The following LHX8 variants were observed in gnomAD, a reference collection of about 807,000 sequenced individuals.
LHX8 encodes LIM/homeobox protein Lhx8.
A neutral mutation model predicts 40.3 loss-of-function variants in LHX8; 12 were observed. The ratio of observed to expected loss-of-function variants is 0.30; its 90% confidence interval spans 0.19 to 0.48. The LOEUF (loss-of-function observed/expected upper bound fraction) is 0.48, where lower values mean the gene tolerates loss of function less well. Ranked by LOEUF, LHX8 falls within the 20% of genes least tolerant of loss-of-function variation. The pLI is 0.99. For missense variants in LHX8, 344 were observed against 433.7 expected, an observed-to-expected ratio of 0.79 and a Z score of 1.84; for synonymous variants, 179 against 162.0, an observed-to-expected ratio of 1.10 and a Z score of -0.80.
the LHX8 span, among the ~76,000 whole-genome samples, chr1:75,185,417 C>T: frequency 6.6e-6 from 1 of 152,068 alleles, no homozygotes; most frequent in Non-Finnish European, 1.5e-5. Flanking sequence ...ATCAAGTAGG[C>T]TTTATCCCTG....
chr1:75,197,517 A>G, the LHX8 span, among the ~76,000 whole-genome samples: 26 of 152,314 alleles, frequency 1.7e-4, no homozygotes, highest in South Asian at 5.2e-3. Flanking sequence ...TGATTTGCCT[A>G]TCTATAGTTG....
rs1347775201 is a variant in LHX8 at position 75,148,518 on chromosome 1, TAAA to T, written c.685-66_685-64del. On this transcript the variant is annotated intron_variant, in intron 6 of 8. Coordinates refer to ENST00000356261, the MANE Select transcript of LHX8 (RefSeq NM_001256114.2). Reference sequence around the variant, plus strand: ...CTTGTGCATGTCTTACCTCTTATGATAAAAATGCAGGAAGAAGACTGAGCTGCT... The same window carrying T: ...CTTGTGCATGTCTTACCTCTTATGATAATGCAGGAAGAAGACTGAGCTGCT... 3.6e-5 allele frequency: 39 copies of T among 1,080,456 alleles called. 1 individual carries two copies. The highest frequency in any genetic ancestry group is 2.9e-4 in the Admixed American group (17 of 58,824). The allele number at this position is 1,080,456 out of a possible 1,614,324, so 66.9% of individuals were successfully genotyped here.
intron 4 of LHX8, among the ~76,000 whole-genome samples, chr1:75,142,734 C>T (rs1371361462): frequency 1.3e-5 from 2 of 152,064 alleles, no homozygotes; most frequent in African/African-American, 4.8e-5. Context: ...TAAATATCTT[C>T]AGCATACTTT....
chr1:75,146,697 T>A (rs1233100277), intron 6 of LHX8, among the ~76,000 whole-genome samples: 2 of 152,144 alleles, frequency 1.3e-5, no homozygotes, highest in African/African-American at 4.8e-5. Flanking sequence ...TAAAAGTACC[T>A]CTTTTTTCTT....
chr1:75,133,778 G>C (rs1648036190), upstream of LHX8, among the ~76,000 whole-genome samples: 1 of 152,188 alleles, frequency 6.6e-6, no homozygotes, highest in Admixed American at 6.5e-5. Context: ...TTTTGTCTAG[G>C]AGATGAAAGA....
At chr1:75,135,346 C>T (rs1182322441) in intron 1 of LHX8, among the ~76,000 whole-genome samples, 1 of 152,196 alleles carries the variant, frequency 6.6e-6, no homozygotes, top group Non-Finnish European at 1.5e-5. Flanking sequence ...CGCGGGGCGC[C>T]CCTGACTATT....
chr1:75,195,879 A>T, the LHX8 span, among the ~76,000 whole-genome samples: 1 of 152,072 alleles, frequency 6.6e-6, no homozygotes, highest in Non-Finnish European at 1.5e-5. Context: ...TTCTGAAGAC[A>T]ACTCAAATCC....
At chr1:75,196,837 T>A in the LHX8 span, among the ~76,000 whole-genome samples, 1 of 152,158 alleles carries the variant, frequency 6.6e-6, no homozygotes. Context: ...CTTGCACATG[T>A]ACAGGCACAC....
rs1188137166 is a variant in LHX8, at chr1:75,136,517, C to A, written c.-12-86C>A. Reference sequence around the variant, plus strand: ...CGCACTCTGAGGGCCTTCATTAGCTCGCTCCCCGCGCCGAGGCTGGGGCGG... The same window carrying A: ...CGCACTCTGAGGGCCTTCATTAGCTAGCTCCCCGCGCCGAGGCTGGGGCGG... On this transcript the variant is annotated intron_variant, in intron 1 of 8. Coordinates refer to ENST00000356261, the MANE Select transcript of LHX8 (RefSeq NM_001256114.2). 3.9e-6 allele frequency: 4 copies of A among 1,028,296 alleles called. No individual in the cohort carries two copies. The African/African-American group carries it at 4.8e-5, about 12-fold the overall frequency. The allele number at this position is 1,028,296 out of a possible 1,614,324, so 63.7% of individuals were successfully genotyped here. A position where few individuals can be genotyped will look rare whatever the true frequency, so the allele number is the denominator to read the frequency against.
chr1:75,189,086 C>A, the LHX8 span, among the ~76,000 whole-genome samples: 1 of 152,220 alleles, frequency 6.6e-6, no homozygotes, highest in African/African-American at 2.4e-5. Context: ...CAAGAACTAT[C>A]CCCTAGAGAT....
At chr1:75,150,523 G>T (rs1253541436) in intron 7 of LHX8, among the ~76,000 whole-genome samples, 1 of 152,124 alleles carries the variant, frequency 6.6e-6, no homozygotes, top group Admixed American at 6.5e-5. Context: ...AGGGTAAGAG[G>T]TGCTATTTAA....
At chr1:75,147,776 C>T (rs1648500961) in intron 6 of LHX8, among the ~76,000 whole-genome samples, 1 of 152,182 alleles carries the variant, frequency 6.6e-6, no homozygotes, top group African/African-American at 2.4e-5. Flanking sequence ...TAATGATTCT[C>T]TTTTCTGAAA....
the LHX8 span, among the ~76,000 whole-genome samples, chr1:75,199,399 G>A: frequency 1.3e-5 from 2 of 152,150 alleles, no homozygotes; most frequent in Non-Finnish European, 2.9e-5. Context: ...TCAAGTTCAG[G>A]CTCCACGTTA....
chr1:75,162,949 A>C (rs1271682569), downstream of LHX8, among the ~76,000 whole-genome samples: 1 of 152,112 alleles, frequency 6.6e-6, no homozygotes, highest in Admixed American at 6.6e-5. Flanking sequence ...TGGAGTAGCA[A>C]AGATGTGGGT....
At chr1:75,194,260 G>T in the LHX8 span, among the ~76,000 whole-genome samples, 1 of 152,158 alleles carries the variant, frequency 6.6e-6, no homozygotes. Context: ...GATGAGGGCA[G>T]TGGCAGGACC....
At chr1:75,147,913 A>G (rs1648504674) in intron 6 of LHX8, among the ~76,000 whole-genome samples, 1 of 152,194 alleles carries the variant, frequency 6.6e-6, no homozygotes, top group African/African-American at 2.4e-5. Context: ...TTAAATCCAA[A>G]GAGTTTTGTT....
At chr1:75,174,528 C>A in the LHX8 span, among the ~76,000 whole-genome samples, 1 of 152,198 alleles carries the variant, frequency 6.6e-6, no homozygotes, top group Admixed American at 6.5e-5. Context: ...TGCATACACA[C>A]ACACACACAC....
In LHX8 at chr1:75,134,994, G is replaced by C. The variant is rs543856963; in HGVS notation, c.-13+40G>C. 2.0e-5 allele frequency: 19 copies of C among 949,106 alleles called. No individual in the cohort carries two copies. The Admixed American group carries it at 8.0e-4, about 40-fold the overall frequency. The allele number at this position is 949,106 out of a possible 1,614,324, so 58.8% of individuals were successfully genotyped here. On this transcript the variant is annotated intron_variant, in intron 1 of 8. Coordinates refer to ENST00000356261, the MANE Select transcript of LHX8 (RefSeq NM_001256114.2). ...TGTTCTATTTGCTGTGGTGATCGTG[G>C]CGGTCCGGGAGAGTGGGTCGGGAGG...
chr1:75,178,781 ATC>A, the LHX8 span, among the ~76,000 whole-genome samples: 2 of 152,032 alleles, frequency 1.3e-5, no homozygotes, highest in East Asian at 3.9e-4. Context: ...TCAATTTTAG[ATC>A]TTTCTTGCTT....
Sources: allele counts gnomAD v4.1 joint callset (sites outside exome capture counted in the v4.1 genomes callset), GRCh38; gene constraint gnomAD v4.1.1; transcripts MANE v1.5; gene names NCBI Gene and HGNC (gene_info 2026-07-23, HGNC 2026-07-21).